Variants in WDR41 observed in about 807,000 individuals in gnomAD.
The protein encoded by WDR41 is WD repeat-containing protein 41.
A neutral mutation model predicts 69.3 loss-of-function variants in WDR41; 63 were observed. The observed-to-expected ratio is 0.91, with a 90% CI of 0.74 to 1.12. The LOEUF is 1.12. WDR41 is among the 50% of genes most tolerant of loss of function. WDR41 has a pLI of 0.00. For missense variants in WDR41, 543 were observed against 534.5 expected (o/e 1.02, Z -0.16); for synonymous variants, 185 against 192.1 (o/e 0.96, Z 0.31).
chr5:77,441,747 C>T (rs1799177516), intron 8 of WDR41, among the ~76,000 whole-genome samples: 1 of 151,728 alleles, frequency 6.6e-6, no homozygotes, highest in South Asian at 2.1e-4. Context: ...AAAACACACA[C>T]ACACACACAC....
intron 1 of WDR41, among the ~76,000 whole-genome samples, chr5:77,587,867 C>G (rs773892094): frequency 1.3e-5 from 2 of 152,136 alleles, no homozygotes; most frequent in Admixed American, 6.6e-5. Flanking sequence ...GAAGGATGAT[C>G]ATATGAAGAA....
At chr5:77,557,880 T>C (rs1452262539) in intron 1 of WDR41, among the ~76,000 whole-genome samples, 4 of 152,094 alleles carry the variant, frequency 2.6e-5, no homozygotes, top group Non-Finnish European at 5.9e-5. Context: ...TGACTTATAG[T>C]AGAAGCAATG....
chr5:77,502,904 G>A (rs1175793968), intron 1 of WDR41, among the ~76,000 whole-genome samples: 6 of 152,206 alleles, frequency 3.9e-5, no homozygotes, highest in South Asian at 2.1e-4. Context: ...ACCAGCCAGC[G>A]CAAAAACATG....
chr5:77,542,932 T>C (rs570424813), intron 1 of WDR41, among the ~76,000 whole-genome samples: 427 of 152,274 alleles, frequency 2.8e-3, no homozygotes, highest in Non-Finnish European at 4.8e-3. Context: ...CCAAATACTG[T>C]GCTGGTATCC....
chr5:77,617,689 AC>A (rs1281806728), intron 1 of WDR41, among the ~76,000 whole-genome samples: 15 of 152,360 alleles, frequency 9.8e-5, no homozygotes, highest in Non-Finnish European at 2.2e-4. Context: ...TTAGGTAGGT[AC>A]GTGTCAAAGG....
chr5:77,433,030 C>T lies in WDR41; in HGVS notation c.*105G>A. The T allele has an allele frequency of 7.6e-7, 1 of 1,310,732 alleles. No homozygotes were observed. The highest frequency in any genetic ancestry group is 1.0e-6 in the Non-Finnish European group (1 of 982,390). The allele number at this position is 1,310,732 out of a possible 1,614,324, so 81.2% of individuals were successfully genotyped here. A position where few individuals can be genotyped will look rare whatever the true frequency, so the allele number is the denominator to read the frequency against. ...AAACATGTAGAATTTTATGGACTGA[C>T]AAAAAAAATTACCAATTTAAGTGAT... On this transcript the variant is annotated 3_prime_UTR_variant, in exon 13 of 13. Coordinates refer to ENST00000296679, the MANE Select transcript of WDR41 (RefSeq NM_018268.4).
At chr5:77,492,365 G>A, upstream of WDR41, 1 of 1,059,162 alleles carries the variant, frequency 9.4e-7, no homozygotes, top group Non-Finnish European at 1.3e-6. Flanking sequence ...CCGAAGGAAT[G>A]CAGACCACAG....
intron 1 of WDR41, among the ~76,000 whole-genome samples, chr5:77,604,416 A>C (rs1744377723): frequency 6.6e-6 from 1 of 152,192 alleles, no homozygotes; most frequent in Non-Finnish European, 1.5e-5. Flanking sequence ...CTTCTCTAGT[A>C]ATAAACTAAG....
intron 1 of WDR41, among the ~76,000 whole-genome samples, chr5:77,515,924 C>T (rs911810638): frequency 2.0e-5 from 3 of 152,126 alleles, no homozygotes; most frequent in Non-Finnish European, 2.9e-5. Flanking sequence ...CCATATTGGA[C>T]GTTTAGATTG....
chr5:77,522,353 G>A (rs796900998), intron 1 of WDR41, among the ~76,000 whole-genome samples: 26 of 152,244 alleles, frequency 1.7e-4, no homozygotes, highest in African/African-American at 5.8e-4. Context: ...TAAAAGAAAC[G>A]GAAAGAGGCC....
chr5:77,613,562 T>C (rs1279757075), intron 1 of WDR41, among the ~76,000 whole-genome samples: 1 of 152,148 alleles, frequency 6.6e-6, no homozygotes, highest in Non-Finnish European at 1.5e-5. Context: ...CCCTATTTAA[T>C]AAATGGTGCT....
intron 1 of WDR41, among the ~76,000 whole-genome samples, chr5:77,512,745 C>CAAAAAAAAAAAAAAAAAAAAA (rs71606301): frequency 4.0e-5 from 3 of 74,082 alleles, no homozygotes; most frequent in Non-Finnish European, 5.5e-5. Context: ...GACTCCATCT[C>CAAAAAAAAAAAAAAAAAAAAA]AAAAAAAAAA....
chr5:77,458,545 T>C (rs1275102368), intron 5 of WDR41, among the ~76,000 whole-genome samples: 1 of 152,168 alleles, frequency 6.6e-6, no homozygotes, highest in East Asian at 1.9e-4. Context: ...CTCTAAAACG[T>C]AGCAGAGCTT....
chr5:77,512,622 C>A (rs1802226724), intron 1 of WDR41, among the ~76,000 whole-genome samples: 1 of 151,432 alleles, frequency 6.6e-6, no homozygotes, highest in South Asian at 2.1e-4. Flanking sequence ...TGGTGGCGTG[C>A]ACCTGTAGTC....
At chr5:77,499,391 C>T (rs562791659) in intron 1 of WDR41, 2 of 152,350 alleles carry the variant, frequency 1.3e-5, no homozygotes, top group South Asian at 4.1e-4. Context: ...TGCAGGAATC[C>T]TCTGGGTCTT....
At chr5:77,518,569 T>G (rs1316683210) in intron 1 of WDR41, among the ~76,000 whole-genome samples, 1 of 152,130 alleles carries the variant, frequency 6.6e-6, no homozygotes, top group Non-Finnish European at 1.5e-5. Flanking sequence ...TGTTTTCATA[T>G]AGCACAGATC....
At chr5:77,440,644 A>G (rs755696505) in intron 9 of WDR41, among the ~76,000 whole-genome samples, 169 bp downstream of exon 9, 8 of 152,232 alleles carry the variant, frequency 5.3e-5, no homozygotes, top group Non-Finnish European at 7.3e-5. Context: ...AGCAAAGATT[A>G]AAATGCTTAA....
chr5:77,561,973 A>G (rs1743535014), intron 1 of WDR41, among the ~76,000 whole-genome samples: 1 of 152,212 alleles, frequency 6.6e-6, no homozygotes, highest in African/African-American at 2.4e-5. Context: ...AATACTCAAA[A>G]GTACTTAAAA....
intron 1 of WDR41, among the ~76,000 whole-genome samples, chr5:77,531,065 CAG>C (rs1185367661): frequency 1.3e-5 from 2 of 151,830 alleles, no homozygotes; most frequent in African/African-American, 4.8e-5. Flanking sequence ...TAGGAAAAAA[CAG>C]GGGTAAATCT....
Sources: gnomAD v4.1 joint callset for allele counts (sites outside exome capture counted in the v4.1 genomes callset) on GRCh38, gnomAD v4.1.1 for gene constraint, MANE v1.5 for transcripts, NCBI Gene and HGNC (gene_info 2026-07-23, HGNC 2026-07-21) for gene names.